Variants in ZNF518A observed in about 807,000 individuals in gnomAD.
ZNF518A encodes zinc finger protein 518A.
A neutral mutation model predicts 102.7 loss-of-function variants in ZNF518A; 47 were observed. The observed-to-expected ratio is 0.46, with a 90% confidence interval of 0.36 to 0.58. The LOEUF is 0.58. ZNF518A is among the 20% of genes least tolerant of loss of function. The pLI, the probability that ZNF518A is intolerant of heterozygous loss-of-function variation, is 0.00. For missense variants in ZNF518A, 1,793 were observed against 1,699.8 expected (o/e 1.05, Z -0.96); for synonymous variants, 652 against 594.6 (o/e 1.10, Z -1.40).
At chr10:96,199,518 G>A (rs1554895531) in intron 1 of ZNF518A, 3 of 461,474 alleles carry the variant, frequency 6.5e-6, no homozygotes, top group Non-Finnish European at 1.3e-5. Flanking sequence ...TTGGAGGGCA[G>A]TGGAGGCTGT....
rs587770253 is a variant in ZNF518A at position 96,145,482 on chromosome 10, C to T, written c.-301-9844C>T. ...CTCACAAATTAATTGTTAAATAAACCGACTAAAAACACTTCTCTTATAGCA... is the reference window on the plus strand; with the variant it reads ...CTCACAAATTAATTGTTAAATAAACTGACTAAAAACACTTCTCTTATAGCA... On this transcript the variant is annotated intron_variant, in intron 3 of 5. Transcript: ENST00000316045. Among the ~76,000 whole-genome samples the T allele has an allele frequency of 5.3e-5, 8 of 152,234 alleles. No homozygotes were observed. In the South Asian group the frequency reaches 1.2e-3, roughly 24 times the overall value.
In ZNF518A at chr10:96,157,062, G is replaced by A. The variant is rs1162505239; in HGVS notation, c.740G>A (p.Gly247Glu). ...GKCHHVCFTK[G>E]ELQKHLHIHS... ...TGTCATCATGTATGTTTTACCAAAG[G>A]AGAGCTTCAGAAGCACCTTCATATT... Residue 247 changes from glycine to glutamate, a missense_variant, in exon 6 of 6, where the codon GGA becomes GAA. Physicochemically the swap from Gly to Glu is moderately conservative, Grantham distance 98 (BLOSUM62 -2). This residue lies in a region of ZNF518A where 1,741 missense variants were observed against 1,622.6 expected (regional missense o/e 1.07). Coordinates refer to ENST00000316045, the MANE Select transcript of ZNF518A (RefSeq NM_001330736.2). 6.2e-7 allele frequency: 1 copy of A among 1,613,412 alleles called. No homozygotes were observed. The highest frequency in any genetic ancestry group is 8.5e-7 in the Non-Finnish European group (1 of 1,179,708).
chr10:96,171,755 C>G (rs777409905), intron 1 of ZNF518A, among the ~76,000 whole-genome samples: 3 of 151,890 alleles, frequency 2.0e-5, no homozygotes, highest in Non-Finnish European at 2.9e-5. Context: ...TTTAAGTAGT[C>G]AAAGAAATAA....
chr10:96,159,011 A>G lies in ZNF518A; in HGVS notation c.2689A>G (p.Thr897Ala), dbSNP rs1554885352. ...LLKTQSDAII[T>A]QQLVKDKLRA... ...TAAGACTCAGTCAGATGCGATAATA[A>G]CACAGCAGCTTGTAAAAGACAAACT... The change falls in exon 6 of 6, where the codon ACA (threonine) becomes GCA (alanine). Residue 897 changes from threonine to alanine, a missense_variant. Transcript: ENST00000316045. 6.2e-7 allele frequency: 1 copy of G among 1,613,576 alleles called. No individual in the cohort carries two copies. Among genetic ancestry groups the G allele is most frequent in the Non-Finnish European group, 8.5e-7 (1 of 1,179,754 alleles).
At chr10:96,147,570 A>C (rs1415051822) in intron 3 of ZNF518A, among the ~76,000 whole-genome samples, 2 of 152,156 alleles carry the variant, frequency 1.3e-5, no homozygotes, top group Non-Finnish European at 2.9e-5. Flanking sequence ...TTTTACCCTT[A>C]TACCTAGACC....
chr10:96,160,370 T>G lies in ZNF518A; in HGVS notation c.4048T>G (p.Leu1350Val). 6.2e-7 allele frequency: 1 copy of G among 1,613,556 alleles called. No homozygotes were observed. The highest frequency in any genetic ancestry group is 8.5e-7 in the Non-Finnish European group (1 of 1,179,632). ...CPRRNQPVVV[L>V]NHPDADAPEV... ...TAGGAGAAACCAACCAGTTGTAGTT[T>G]TGAATCATCCTGACGCAGATGCACC... is the stretch of plus-strand genomic sequence containing the variant. Residue 1350 changes from leucine (L) to valine (V), a missense_variant, in exon 6 of 6, where the codon TTG (leucine) becomes GTG (valine). By Grantham distance (32) the Leu-to-Val change is conservative. Transcript: ENST00000316045.
intron 1 of ZNF518A, among the ~76,000 whole-genome samples, chr10:96,184,382 G>A (rs1591279939): frequency 6.6e-6 from 1 of 152,330 alleles, no homozygotes; most frequent in Non-Finnish European, 1.5e-5. Context: ...AATTGATGCA[G>A]TTTCTTCCTA....
intron 1 of ZNF518A, among the ~76,000 whole-genome samples, chr10:96,131,153 T>A (rs2081317128): frequency 6.6e-6 from 1 of 152,246 alleles, no homozygotes; most frequent in Non-Finnish European, 1.5e-5. Context: ...ATAAGAATGT[T>A]GGAATTTGTA....
In ZNF518A at chr10:96,160,563, G is replaced by A. The variant is rs1554887423; in HGVS notation, c.4241G>A (p.Ser1414Asn). Residue 1414 changes from serine to asparagine, a missense_variant, in exon 6 of 6, where the codon AGT (serine) becomes AAT (asparagine). Ser to Asn is a conservative substitution (Grantham distance 46). Coordinates refer to ENST00000316045, the MANE Select transcript of ZNF518A (RefSeq NM_001330736.2). ...SKRHKTFKPVSSVKERFVLKL... is the reference protein window; with the variant it reads ...SKRHKTFKPVNSVKERFVLKL... ...AGGCACAAAACATTTAAACCTGTTA[G>A]TTCTGTGAAAGAAAGATTTGTGCTA... The A allele has an allele frequency of 2.7e-5, 43 of 1,611,942 alleles. No homozygotes were observed. Among genetic ancestry groups the A allele is most frequent in the Non-Finnish European group, 3.6e-5 (42 of 1,179,224 alleles).
rs2082813921 is a variant in ZNF518A, at chr10:96,158,418, C to T, written c.2096C>T (p.Ser699Phe). 1 of 1,613,384 alleles carries T rather than the reference C, an allele frequency of 6.2e-7. No individual in the cohort carries two copies. The highest frequency in any genetic ancestry group is 8.5e-7 in the Non-Finnish European group (1 of 1,179,698). The change falls in exon 6 of 6, where the codon TCT becomes TTT. Residue 699 changes from serine to phenylalanine, a missense_variant. Physicochemically the swap from Ser to Phe is radical, Grantham distance 155 (BLOSUM62 -2). Transcript: ENST00000316045. ...TCAAAACCAGATAGCCTATTAGCAT[C>T]TATTAGCCTTTTAAATGATAAAGAT... ...ESSKPDSLLA[S>F]ISLLNDKDGT... is the part of the protein sequence containing the mutation.
At chr10:96,173,850 G>C (rs1554891182) in intron 1 of ZNF518A, among the ~76,000 whole-genome samples, 1 of 152,142 alleles carries the variant, frequency 6.6e-6, no homozygotes, top group Non-Finnish European at 1.5e-5. Flanking sequence ...ACATTCTCCA[G>C]GATATACCAT....
At chr10:96,194,298 G>T (rs1160212855) in intron 1 of ZNF518A, among the ~76,000 whole-genome samples, 1 of 152,190 alleles carries the variant, frequency 6.6e-6, no homozygotes, top group Non-Finnish European at 1.5e-5. Flanking sequence ...TAAAACCAAA[G>T]ATTGGTCTTG....
intron 1 of ZNF518A, among the ~76,000 whole-genome samples, chr10:96,179,586 G>A (rs1357365782): frequency 6.6e-6 from 1 of 152,164 alleles, no homozygotes; most frequent in South Asian, 2.1e-4. Context: ...TTATAAACAT[G>A]TATTTTCTAT....
At chr10:96,143,122 A>G (rs2082018300) in intron 3 of ZNF518A, among the ~76,000 whole-genome samples, 1 of 152,088 alleles carries the variant, frequency 6.6e-6, no homozygotes, top group Non-Finnish European at 1.5e-5. Context: ...TTTCTGACCT[A>G]TGTATGTTAA....
At chr10:96,154,735 T>C (rs1292756558) in intron 3 of ZNF518A, among the ~76,000 whole-genome samples, 1 of 152,202 alleles carries the variant, frequency 6.6e-6, no homozygotes, top group East Asian at 1.9e-4. Context: ...GAGGCCTTCA[T>C]CTTGTGTTAC....
At chr10:96,164,236 G>C (rs11188639), downstream of ZNF518A, among the ~76,000 whole-genome samples, 4,614 of 152,238 alleles carry the variant, frequency 0.03, 757 homozygotes, top group East Asian at 0.49. Context: ...AGCTTATCTT[G>C]ATTTTTTAAA....
At chr10:96,180,180 CTTTTTTTTTTTTTT>C (rs60561670) in intron 1 of ZNF518A, among the ~76,000 whole-genome samples, 1 of 96,280 alleles carries the variant, frequency 1.0e-5, no homozygotes, top group Non-Finnish European at 1.9e-5. Context: ...GCTCCAGCCT[CTTTTTTTTTTTTTT>C]TTTTTTTTTT....
rs782680231 is a variant in ZNF518A, at chr10:96,158,255, G to A, written c.1933G>A (p.Val645Met). The A allele has an allele frequency of 3.7e-6, 6 of 1,613,412 alleles. No individual in the cohort carries two copies. Among genetic ancestry groups the A allele is most frequent in the Admixed American group, 3.3e-5 (2 of 59,950 alleles). ...ATTACCTTTTCATAATTACTCAAAA[G>A]TGAATAATTCTAATAAACGTCGTAG... ...GSLPFHNYSK[V>M]NNSNKRRRFS... The change falls in exon 6 of 6, where the codon GTG becomes ATG. Residue 645 changes from valine (V) to methionine (M), a missense_variant. Around this residue, in one of 3 missense-constraint regions of ZNF518A, gnomAD observed 1,741 missense variants for 1,622.6 expected, o/e 1.07. Coordinates refer to ENST00000316045, the MANE Select transcript of ZNF518A (RefSeq NM_001330736.2).
At chr10:96,175,500 T>A (rs587629868) in intron 1 of ZNF518A, among the ~76,000 whole-genome samples, 2 of 152,296 alleles carry the variant, frequency 1.3e-5, no homozygotes, top group East Asian at 3.9e-4. Flanking sequence ...AGAAGTTTAT[T>A]GGGCAGTAAT....
Sources: gnomAD v4.1 joint callset for allele counts (sites outside exome capture counted in the v4.1 genomes callset) on GRCh38, gnomAD v4.1.1 for gene constraint, gnomAD v4.1.1 regional missense constraint, MANE v1.5 for transcripts, NCBI Gene and HGNC (gene_info 2026-07-23, HGNC 2026-07-21) for gene names.